Variants in SEC31A observed in about 807,000 individuals in gnomAD.
SEC31A encodes the protein protein transport protein Sec31A.
In SEC31A, 70 loss-of-function variants were observed where a neutral mutation model predicts 151.0. That is an observed-to-expected ratio of 0.46 (90% confidence interval 0.38 to 0.57). SEC31A has a LOEUF of 0.57. Among genes scored for constraint, SEC31A ranks in the 20% least tolerant of loss-of-function variants. SEC31A has a pLI of 0.00. For synonymous variants in SEC31A, 475 were observed against 505.9 expected (o/e 0.94, Z 0.82); for missense variants, 1,330 against 1,471.2 (o/e 0.90, Z 1.57).
chr4:82,864,668 G>A lies in SEC31A; in HGVS notation c.1198-70C>T, dbSNP rs1224039872. ...TGGCCAAAAAAAGTGCTTATAAAGT[G>A]GCCTAAACAGATAATCTGGATGAAA... On this transcript the variant is annotated intron_variant, in intron 10 of 26. Transcript: ENST00000395310. The A allele has an allele frequency of 3.3e-6, 4 of 1,213,584 alleles. No homozygotes were observed. In the African/African-American group the frequency reaches 6.0e-5, roughly 18 times the overall value. 75.2% of individuals were successfully genotyped at this position (1,213,584 alleles called of 1,614,324 possible). A position where few individuals can be genotyped will look rare whatever the true frequency, so the allele number is the denominator to read the frequency against.
intron 21 of SEC31A, 153 bp from the exon 22 acceptor site, chr4:82,842,634 G>T: frequency 1.6e-6 from 1 of 629,966 alleles, no homozygotes; most frequent in South Asian, 2.3e-5. Flanking sequence ...ATATTTTTGA[G>T]GCTCAAATGC....
At chr4:82,848,695 T>G in intron 20 of SEC31A, 109 bp downstream of exon 20, 1 of 828,334 alleles carries the variant, frequency 1.2e-6, no homozygotes, top group East Asian at 2.8e-5. Context: ...TAACAATATA[T>G]TGTCTAGTTT....
At chr4:82,830,988 T>C (rs899970106) in intron 22 of SEC31A, 3 of 1,183,782 alleles carry the variant, frequency 2.5e-6, no homozygotes, top group South Asian at 3.1e-5. Flanking sequence ...GTAGACAAAA[T>C]GTAAAAATTA....
intron 26 of SEC31A, 81 bp downstream of exon 26, chr4:82,820,956 A>T (rs1723180141): frequency 8.5e-7 from 1 of 1,181,142 alleles, no homozygotes; most frequent in African/African-American, 1.5e-5. Flanking sequence ...TGCATACTAA[A>T]TGGGAGTGCT....
At chr4:82,874,839 G>C (rs1274366579) in intron 5 of SEC31A, 88 bp from the exon 6 acceptor site, 8 of 1,469,254 alleles carry the variant, frequency 5.4e-6, no homozygotes, top group Non-Finnish European at 7.4e-6. Flanking sequence ...ATTTTGAAAA[G>C]TGTATTACTT....
rs1216339648 is a variant in SEC31A, at chr4:82,827,429, T to C, written c.3231A>G (p.Pro1077=). 1 of 1,614,232 alleles carries C rather than the reference T, an allele frequency of 6.2e-7. No homozygotes were observed. The highest frequency in any genetic ancestry group is 8.5e-7 in the Non-Finnish European group (1 of 1,180,032). Residue 1077 remains proline, a synonymous_variant, in exon 24 of 27, where the codon CCA becomes CCG. Transcript: ENST00000395310. ...CTTCAATATTGGGCTTTGAAAAAGA[T>C]GGTGGCATGCCTGTTTGACCAAGAG... ...QQPLGQTGMP[P]SFSKPNIEGA... is the part of the protein sequence containing the mutation.
chr4:82,857,258 C>T, intron 15 of SEC31A, 128 bp from the exon 16 acceptor site: 2 of 743,984 alleles, frequency 2.7e-6, no homozygotes, highest in South Asian at 3.6e-5. Flanking sequence ...TTTCTGATTA[C>T]TAGTGGATTA....
chr4:82,845,177 A>G, intron 20 of SEC31A: 3 of 1,451,412 alleles, frequency 2.1e-6, no homozygotes, highest in Non-Finnish European at 2.8e-6. Flanking sequence ...AATTCTGCTC[A>G]AAGAGGAATA....
At chr4:82,876,387 G>A (rs1188305392) in intron 4 of SEC31A, among the ~76,000 whole-genome samples, 11 of 152,174 alleles carry the variant, frequency 7.2e-5, no homozygotes, top group Admixed American at 7.2e-4. Context: ...TGGGATTACA[G>A]GCGTGAGCCA....
At chr4:82,853,463 A>T in intron 18 of SEC31A, 107 bp downstream of exon 18, 1 of 933,174 alleles carries the variant, frequency 1.1e-6, no homozygotes, top group East Asian at 2.9e-5. Flanking sequence ...CCAGCAAAAG[A>T]AGTTCTTGAA....
chr4:82,849,036 T>C lies in SEC31A; in HGVS notation c.2329-59A>G, dbSNP rs190198098. ...GAGTTCACCCAGGTATATGACAGCA[T>C]GTTAATTTTCTTAATCAGATTATTC... On this transcript the variant is annotated intron_variant, in intron 19 of 26. Coordinates refer to ENST00000395310, the MANE Select transcript of SEC31A (RefSeq NM_001077207.4). 6.9e-4 allele frequency: 1,003 copies of C among 1,450,674 alleles called. 3 individuals are homozygous for C. The African/African-American group carries it at 0.013, about 19-fold the overall frequency. The allele number at this position is 1,450,674 out of a possible 1,614,324, so 89.9% of individuals were successfully genotyped here.
At chr4:82,863,201 C>A in intron 12 of SEC31A, 117 bp downstream of exon 12, 3 of 656,532 alleles carry the variant, frequency 4.6e-6, no homozygotes, top group Non-Finnish European at 7.5e-6. Context: ...CGCTGGCAAC[C>A]AAACACAAAT....
Position 82,848,689 on chromosome 4 carries a change from A to AAT in SEC31A, c.2502+113_2502+114dup, listed in dbSNP as rs1173198103. The AAT allele has an allele frequency of 3.8e-6, 3 of 798,746 alleles. No homozygotes were observed. In the African/African-American group the frequency reaches 5.3e-5, roughly 14 times the overall value. The allele number at this position is 798,746 out of a possible 1,614,324, so 49.5% of individuals were successfully genotyped here. A position where few individuals can be genotyped will look rare whatever the true frequency, so the allele number is the denominator to read the frequency against. ...TTCTAGAAAATAGATCTATTATAAC[A>AAT]ATATATTGTCTAGTTTTACCATATC... On this transcript the variant is annotated intron_variant, in intron 20 of 26. Coordinates refer to ENST00000395310, the MANE Select transcript of SEC31A (RefSeq NM_001077207.4).
Position 82,888,079 on chromosome 4 carries a change from A to C in SEC31A, c.-5+3009T>G, listed in dbSNP as rs565435588. On this transcript the variant is annotated intron_variant, in intron 1 of 26. Coordinates refer to ENST00000395310, the MANE Select transcript of SEC31A (RefSeq NM_001077207.4). ...CAAACAAACAAACAAACAACAACAA[A>C]AAAAACATCTATTAGCCAGGCGCAG... Among the ~76,000 whole-genome samples, 116 of 148,882 alleles carry C rather than the reference A, an allele frequency of 7.8e-4. 3 individuals carry two copies. The South Asian group carries it at 0.021, about 27-fold the overall frequency.
intron 20 of SEC31A, among the ~76,000 whole-genome samples, chr4:82,846,319 C>T (rs1578205451): frequency 6.7e-6 from 1 of 149,682 alleles, no homozygotes; most frequent in South Asian, 2.1e-4. Context: ...TTTTTTTAAG[C>T]CATCAAAATC....
chr4:82,892,709 G>A (rs1328215748), upstream of SEC31A, among the ~76,000 whole-genome samples: 4 of 151,150 alleles, frequency 2.6e-5, no homozygotes, highest in South Asian at 2.1e-4. Context: ...TGTAACTGGC[G>A]ACTGATCATG....
In SEC31A at chr4:82,891,104, G is replaced by T; in HGVS notation, c.-21C>A. The T allele has an allele frequency of 6.5e-7, 1 of 1,535,950 alleles. No homozygotes were observed. The highest frequency in any genetic ancestry group is 2.4e-5 in the East Asian group (1 of 40,900). On this transcript the variant is annotated 5_prime_UTR_variant, in exon 1 of 27. The change creates a premature stop within an existing upstream ORF in the 5' untranslated region. Coordinates refer to ENST00000395310, the MANE Select transcript of SEC31A (RefSeq NM_001077207.4). ...CGGACGCACCTGGCGAGGACCTTCG[G>T]CAGCCGGATCCTGCGTTAGTGCAGC...
Position 82,871,335 on chromosome 4 carries a change from C to T in SEC31A, c.782+609G>A, listed in dbSNP as rs185536806. ...ATACACACACACACACACACACACA[C>T]ACAAGTAACGTAGGTACAGTAAAAT... On this transcript the variant is annotated intron_variant, in intron 7 of 26. Coordinates refer to ENST00000395310, the MANE Select transcript of SEC31A (RefSeq NM_001077207.4). The T allele has an allele frequency of 6.8e-5, 102 of 1,492,732 alleles. No individual in the cohort carries two copies. The East Asian group carries it at 2.5e-3, about 37-fold the overall frequency. The allele number at this position is 1,492,732 out of a possible 1,614,324, so 92.5% of individuals were successfully genotyped here.
At position 82,827,611 on chromosome 4, in the gene SEC31A, G is replaced by A. The variant is rs760614278; in HGVS notation, c.3049C>T (p.Pro1017Ser). 1.2e-6 allele frequency: 2 copies of A among 1,614,004 alleles called. No homozygotes were observed. Among genetic ancestry groups the A allele is most frequent in the Non-Finnish European group, 8.5e-7 (1 of 1,179,878 alleles). The part of the protein sequence containing the change: ...KKKMPENFMP[P>S]VPITSPIMNP... ...ATGATTGGTGATGTGATGGGAACAG[G>A]AGGCATGAAGTTTTCAGGCATCTGT... is the stretch of plus-strand genomic sequence containing the variant. The change falls in exon 24 of 27, where the codon CCT becomes TCT. Residue 1017 changes from proline (P) to serine (S), a missense_variant. Transcript: ENST00000395310.
Sources: allele counts gnomAD v4.1 joint callset (sites outside exome capture counted in the v4.1 genomes callset), GRCh38; gene constraint gnomAD v4.1.1; transcripts MANE v1.5; gene names NCBI Gene and HGNC (gene_info 2026-07-23, HGNC 2026-07-21).